TP53BP2: variants seen among roughly 807,000 people sequenced by gnomAD.
The protein encoded by TP53BP2 is apoptosis-stimulating of p53 protein 2.
A neutral mutation model predicts 126.2 loss-of-function variants in TP53BP2; 62 were observed. That is an observed-to-expected ratio of 0.49 (90% CI 0.40 to 0.61). TP53BP2 has a LOEUF of 0.61. Ranked by LOEUF, TP53BP2 falls within the 20% of genes least tolerant of loss-of-function variation. TP53BP2 has a pLI of 0.00. For synonymous variants in TP53BP2, 485 were observed against 502.9 expected (o/e 0.96, Z 0.48); for missense variants, 1,215 against 1,402.8 (o/e 0.87, Z 2.14).
intron 1 of TP53BP2, among the ~76,000 whole-genome samples, chr1:223,831,480 A>T (rs12041271): frequency 0.068 from 2,115 of 31,128 alleles, 45 homozygotes; most frequent in Non-Finnish European, 0.096. Flanking sequence ...AAAAAAAAAA[A>T]ATATATATAT....
chr1:223,807,980 C>CT (rs1384578639), intron 4 of TP53BP2, among the ~76,000 whole-genome samples: 1 of 152,108 alleles, frequency 6.6e-6, no homozygotes, highest in Non-Finnish European at 1.5e-5. Context: ...CAAAATAACT[C>CT]TGAAAAGAAT....
At chr1:223,810,395 G>C (rs1209041339) in intron 4 of TP53BP2, 36 bp downstream of exon 4, 2 of 1,421,914 alleles carry the variant, frequency 1.4e-6, no homozygotes, top group African/African-American at 1.4e-5. Context: ...ATGTATCACT[G>C]TGGTATATAC....
At chr1:223,804,033 C>T (rs1662626213) in intron 6 of TP53BP2, 141 bp downstream of exon 6, 12 of 817,276 alleles carry the variant, frequency 1.5e-5, no homozygotes, top group Non-Finnish European at 2.1e-5. Context: ...CCTGTAACCC[C>T]AGCTACTCAG....
intron 1 of TP53BP2, among the ~76,000 whole-genome samples, chr1:223,831,466 TAAAAAAA>T (rs1157082703): frequency 1.6e-4 from 7 of 43,710 alleles, no homozygotes; most frequent in Non-Finnish European, 2.3e-4. Flanking sequence ...ATGTACCATC[TAAAAAAA>T]AAAAAAAATA....
chr1:223,803,211 T>G, intron 7 of TP53BP2, 60 bp downstream of exon 7: 1 of 1,525,798 alleles, frequency 6.6e-7, no homozygotes, highest in South Asian at 1.3e-5. Flanking sequence ...GCTACTTATA[T>G]GAGCAACTCT....
intron 1 of TP53BP2, among the ~76,000 whole-genome samples, chr1:223,837,155 A>AGCGGGG (rs1558111841): frequency 8.0e-4 from 61 of 76,646 alleles, no homozygotes; most frequent in South Asian, 1.0e-3. Flanking sequence ...TAAAAAAAAA[A>AGCGGGG]GGGGGGGGGC....
chr1:223,797,189 T>C (rs1321835140), intron 12 of TP53BP2, among the ~76,000 whole-genome samples: 1 of 152,204 alleles, frequency 6.6e-6, no homozygotes, highest in Non-Finnish European at 1.5e-5. Flanking sequence ...TATGGCATCT[T>C]AGGTCACAAT....
At chr1:223,830,141 T>G (rs1663646030) in intron 1 of TP53BP2, among the ~76,000 whole-genome samples, 1 of 152,222 alleles carries the variant, frequency 6.6e-6, no homozygotes, top group Admixed American at 6.5e-5. Flanking sequence ...ATCCCCTATC[T>G]GAAACGCTTG....
In TP53BP2 at chr1:223,796,830, A is replaced by G. The variant is rs1223638999; in HGVS notation, c.1949-240T>C. 1.3e-5 allele frequency among the ~76,000 whole-genome samples: 2 copies of G among 152,362 alleles called. No homozygotes were observed. Among genetic ancestry groups the G allele is most frequent in the Non-Finnish European group, 2.9e-5 (2 of 68,034 alleles). The stretch of plus-strand genomic sequence containing the variant: ...ATTGTAACATGCACCATATCTCATG[A>G]AACAATAAGAAAATGTTGCCGTTTT... On this transcript the variant is annotated intron_variant, in intron 12 of 17. Coordinates refer to ENST00000343537, the MANE Select transcript of TP53BP2 (RefSeq NM_001031685.3). This position sits in a 1 kb window ranked among gnomAD's most constrained non-coding sequence, Gnocchi z 4.2.
chr1:223,814,537 G>C (rs1325532661), intron 2 of TP53BP2, among the ~76,000 whole-genome samples, 184 bp from the exon 3 acceptor site: 1 of 152,102 alleles, frequency 6.6e-6, no homozygotes, highest in Non-Finnish European at 1.5e-5. Flanking sequence ...CACACACACA[G>C]AGTCAAGCCA....
At chr1:223,820,732 A>C (rs1663273509) in intron 2 of TP53BP2, among the ~76,000 whole-genome samples, 1 of 152,200 alleles carries the variant, frequency 6.6e-6, no homozygotes, top group South Asian at 2.1e-4. Flanking sequence ...CTATGGAGCC[A>C]AAAAGAAACC....
At position 223,806,840 on chromosome 1, in the gene TP53BP2, T is replaced by C. The variant is rs907120181; in HGVS notation, c.474+6A>G. On this transcript the variant is annotated splice_donor_region_variant and intron_variant, in intron 5 of 17. Coordinates refer to ENST00000343537, the MANE Select transcript of TP53BP2 (RefSeq NM_001031685.3). The stretch of plus-strand genomic sequence containing the variant: ...ATTCATCTCCAAAAAAAAAGGACGA[T>C]ACTACCTTAGTTGCCAGCAATTGTT... 5 of 1,612,004 alleles carry C rather than the reference T, an allele frequency of 3.1e-6. No individual in the cohort carries two copies. Among genetic ancestry groups the C allele is most frequent in the Non-Finnish European group, 4.2e-6 (5 of 1,178,560 alleles).
chr1:223,787,012 C>T (rs1330962878), intron 16 of TP53BP2, among the ~76,000 whole-genome samples: 1 of 152,184 alleles, frequency 6.6e-6, no homozygotes, highest in African/African-American at 2.4e-5. Context: ...TCTCCTGCCT[C>T]GGCCTCCCAA....
chr1:223,842,879 A>C (rs1218396204), intron 1 of TP53BP2, among the ~76,000 whole-genome samples: 1 of 152,246 alleles, frequency 6.6e-6, no homozygotes, highest in Non-Finnish European at 1.5e-5. Context: ...CAGGAAAAAG[A>C]TGTCAAGTAT....
At chr1:223,832,593 A>C (rs756608996) in intron 1 of TP53BP2, among the ~76,000 whole-genome samples, 1 of 152,200 alleles carries the variant, frequency 6.6e-6, no homozygotes, top group Non-Finnish European at 1.5e-5. Flanking sequence ...GGATTAAATT[A>C]AGATATAACC....
intron 1 of TP53BP2, among the ~76,000 whole-genome samples, chr1:223,822,530 A>G (rs1367518580): frequency 6.6e-6 from 1 of 152,004 alleles, no homozygotes; most frequent in Non-Finnish European, 1.5e-5. Context: ...TCAGCCAGAC[A>G]TGGTGGCACA....
chr1:223,833,863 G>C (rs1421641199), intron 1 of TP53BP2, among the ~76,000 whole-genome samples: 1 of 152,196 alleles, frequency 6.6e-6, no homozygotes, highest in Non-Finnish European at 1.5e-5. Flanking sequence ...AGAGAAGAGA[G>C]GCTGGTAGCA....
rs568482636 is a variant in TP53BP2 at position 223,796,217 on chromosome 1, T to C, written c.2322A>G (p.Pro774=). Residue 774 remains proline, a synonymous_variant, in exon 13 of 18, where the codon CCA becomes CCG. Coordinates refer to ENST00000343537, the MANE Select transcript of TP53BP2 (RefSeq NM_001031685.3). This position sits in a 1 kb window ranked among gnomAD's most constrained non-coding sequence, Gnocchi z 4.2. ...CAGAAGCTGACTTGGATGGGTATGA[T>C]GGGACAGAGATGGTCTCCATGGCCG... ...TIAAMETISV[P]SYPSKSASVT... 23 of 1,614,216 alleles carry C rather than the reference T, an allele frequency of 1.4e-5. No individual in the cohort carries two copies. In the East Asian group the frequency reaches 2.2e-4, roughly 16 times the overall value.
intron 1 of TP53BP2, among the ~76,000 whole-genome samples, chr1:223,825,455 G>A (rs988080473): frequency 6.6e-6 from 1 of 152,100 alleles, no homozygotes; most frequent in African/African-American, 2.4e-5. Flanking sequence ...CTGTCTTTTA[G>A]AGCAACATTT....
Sources: gnomAD v4.1 joint callset for allele counts (sites outside exome capture counted in the v4.1 genomes callset) on GRCh38, gnomAD v4.1.1 for gene constraint, Gnocchi (gnomAD v3.1) non-coding constraint, MANE v1.5 for transcripts, NCBI Gene and HGNC (gene_info 2026-07-23, HGNC 2026-07-21) for gene names.